The following TEAD1 variants were observed in gnomAD, a reference collection of about 807,000 sequenced individuals.
TEAD1 encodes the protein TEA domain transcription factor 1, also known as transcriptional enhancer factor TEF-1.
TEAD1 carries 9 observed loss-of-function variants against 54.9 expected under a neutral mutation model. The observed-to-expected ratio is 0.16, with a 90% CI of 0.10 to 0.29. The LOEUF is 0.29. Ranked by LOEUF, TEAD1 falls within the 10% of genes least tolerant of loss-of-function variation. The pLI is 1.00. For synonymous variants in TEAD1, 200 were observed against 187.8 expected (o/e 1.07, Z -0.53); for missense variants, 387 against 535.9 (o/e 0.72, Z 2.74).
At chr11:12,727,563 C>G (rs990635957) in intron 2 of TEAD1, among the ~76,000 whole-genome samples, 3 of 152,132 alleles carry the variant, frequency 2.0e-5, no homozygotes, top group African/African-American at 4.8e-5. Flanking sequence ...CATTGTGATC[C>G]ATGGTTCTCT....
At chr11:12,732,031 A>G (rs916433312) in intron 2 of TEAD1, among the ~76,000 whole-genome samples, 1 of 152,016 alleles carries the variant, frequency 6.6e-6, no homozygotes, top group South Asian at 2.1e-4. Flanking sequence ...GGGCAACCCA[A>G]TCCCTTAAGT....
At chr11:12,716,785 A>C (rs907637175) in intron 2 of TEAD1, among the ~76,000 whole-genome samples, 1 of 152,196 alleles carries the variant, frequency 6.6e-6, no homozygotes, top group Non-Finnish European at 1.5e-5. Flanking sequence ...TTCTTCCTTC[A>C]TGGGCCATAC....
chr11:12,942,488 G>A lies in TEAD1; in HGVS notation c.*5266G>A, dbSNP rs1467842667. The A allele has an allele frequency of 1.3e-5, 2 of 152,292 alleles. No homozygotes were observed. Among genetic ancestry groups the A allele is most frequent in the South Asian group, 4.2e-4 (2 of 4,816 alleles). 9.4% of individuals were successfully genotyped at this position (152,292 alleles called of 1,614,324 possible). A position where few individuals can be genotyped will look rare whatever the true frequency, so the allele number is the denominator to read the frequency against. ...TTTGTGTGTGCTGATGACCTAGTGT[G>A]TCATTTCACCTCGTCACCCAGCCCT... On this transcript the variant is annotated 3_prime_UTR_variant, in exon 13 of 13. Coordinates refer to ENST00000527636, the MANE Select transcript of TEAD1 (RefSeq NM_021961.6).
chr11:12,818,122 C>T (rs1168290212), intron 3 of TEAD1, among the ~76,000 whole-genome samples: 1 of 152,202 alleles, frequency 6.6e-6, no homozygotes, highest in Non-Finnish European at 1.5e-5. Flanking sequence ...CAGCCAATAA[C>T]CATTAGACAC....
intron 9 of TEAD1, among the ~76,000 whole-genome samples, chr11:12,887,451 T>G (rs191634314): frequency 4.4e-4 from 67 of 152,144 alleles, no homozygotes; most frequent in African/African-American, 1.6e-3. Flanking sequence ...GGCCTGAAGG[T>G]TGGTTCTTGT....
chr11:12,928,646 GAAATAACTATTCTTTAAAGATTACATAA>G lies in TEAD1; in HGVS notation c.1015-1525_1015-1498del, dbSNP rs777858862. On this transcript the variant is annotated intron_variant, in intron 11 of 12. Coordinates refer to ENST00000527636, the MANE Select transcript of TEAD1 (RefSeq NM_021961.6). The stretch of plus-strand genomic sequence containing the variant: ...TAGTTTCATAAAAAGAATAACACTG[GAAATAACTATTCTTTAAAGATTACATAA>G]AACTTACTCCTGTGAAACTATTTGG... Among the ~76,000 whole-genome samples, 8 of 152,182 alleles carry G rather than the reference GAAATAACTATTCTTTAAAGATTACATAA, an allele frequency of 5.3e-5. No individual in the cohort carries two copies. The East Asian group carries it at 5.8e-4, about 11-fold the overall frequency.
At chr11:12,802,882 T>G (rs954191950) in intron 3 of TEAD1, among the ~76,000 whole-genome samples, 1 of 152,206 alleles carries the variant, frequency 6.6e-6, no homozygotes, top group Non-Finnish European at 1.5e-5. Context: ...AAACATTGTC[T>G]AGTTTTTCAG....
At chr11:12,895,795 C>G (rs1321726843) in intron 9 of TEAD1, among the ~76,000 whole-genome samples, 1 of 152,146 alleles carries the variant, frequency 6.6e-6, no homozygotes, top group Non-Finnish European at 1.5e-5. Context: ...TCAGCCATTT[C>G]TTTGTATTAA....
At chr11:12,920,510 C>A (rs919222398) in intron 10 of TEAD1, among the ~76,000 whole-genome samples, 1 of 152,110 alleles carries the variant, frequency 6.6e-6, no homozygotes, top group Non-Finnish European at 1.5e-5. Context: ...AGACTGCTTT[C>A]CCCCATGCTT....
chr11:12,932,314 G>A (rs894812487), intron 12 of TEAD1, among the ~76,000 whole-genome samples: 5 of 152,158 alleles, frequency 3.3e-5, no homozygotes, highest in African/African-American at 4.8e-5. Context: ...CATCACTTTA[G>A]CAGTCAGACG....
chr11:12,901,204 C>T (rs1431777161), intron 9 of TEAD1, among the ~76,000 whole-genome samples: 1 of 152,116 alleles, frequency 6.6e-6, no homozygotes, highest in Non-Finnish European at 1.5e-5. Context: ...TGTCTTATCC[C>T]AAAGCAAGGG....
chr11:12,726,031 G>A (rs562134403), intron 2 of TEAD1, among the ~76,000 whole-genome samples: 12 of 152,294 alleles, frequency 7.9e-5, no homozygotes, highest in African/African-American at 2.2e-4. Context: ...CCAGTTTTGG[G>A]CTGGGAGATA....
intron 3 of TEAD1, among the ~76,000 whole-genome samples, chr11:12,810,954 C>T (rs1193570460): frequency 1.3e-5 from 2 of 152,180 alleles, no homozygotes; most frequent in Non-Finnish European, 2.9e-5. Flanking sequence ...CTTGAATGCT[C>T]CACGGCTATA....
Position 12,937,975 on chromosome 11 carries a change from A to T in TEAD1, c.*753A>T, listed in dbSNP as rs1163041507. 1.3e-5 allele frequency: 2 copies of T among 152,406 alleles called. No individual in the cohort carries two copies. The highest frequency in any genetic ancestry group is 4.1e-4 in the South Asian group (2 of 4,824). 9.4% of individuals were successfully genotyped at this position (152,406 alleles called of 1,614,324 possible). ...ACTTCACCCCTTATCCTTAACATAT[A>T]TAGTATATTTAAAAAATATAAAATT... On this transcript the variant is annotated 3_prime_UTR_variant, in exon 13 of 13. Coordinates refer to ENST00000527636, the MANE Select transcript of TEAD1 (RefSeq NM_021961.6).
intron 3 of TEAD1, among the ~76,000 whole-genome samples, chr11:12,861,855 G>A (rs886819480): frequency 3.3e-5 from 5 of 152,074 alleles, no homozygotes; most frequent in African/African-American, 9.7e-5. Context: ...GCGTGATGGC[G>A]CACGCCTGTA....
At chr11:12,696,254 A>G (rs1042075831) in intron 2 of TEAD1, among the ~76,000 whole-genome samples, 4 of 152,142 alleles carry the variant, frequency 2.6e-5, no homozygotes, top group African/African-American at 9.7e-5. Flanking sequence ...GATACTTTCT[A>G]TAGTAGGACC....
chr11:12,876,245 T>C (rs1947851997), intron 5 of TEAD1, among the ~76,000 whole-genome samples: 1 of 152,226 alleles, frequency 6.6e-6, no homozygotes, highest in African/African-American at 2.4e-5. Flanking sequence ...TTTCTCCTTT[T>C]CCACACTGAC....
At chr11:12,754,679 AGATCCT>A (rs1455314924) in intron 2 of TEAD1, among the ~76,000 whole-genome samples, 1 of 152,214 alleles carries the variant, frequency 6.6e-6, no homozygotes, top group African/African-American at 2.4e-5. Context: ...TGGATCCATT[AGATCCT>A]GAGAGCACTG....
chr11:12,692,825 C>G (rs959619970), intron 2 of TEAD1, among the ~76,000 whole-genome samples: 1 of 152,202 alleles, frequency 6.6e-6, no homozygotes, highest in South Asian at 2.1e-4. Flanking sequence ...GCTGGAGGAG[C>G]CCAGCCATGC....
Sources: allele counts gnomAD v4.1 joint callset (sites outside exome capture counted in the v4.1 genomes callset), GRCh38; gene constraint gnomAD v4.1.1; transcripts MANE v1.5; gene names NCBI Gene and HGNC (gene_info 2026-07-23, HGNC 2026-07-21).